Variants in SSBP2 observed in about 807,000 individuals in gnomAD.
SSBP2 encodes the protein single-stranded DNA-binding protein 2.
SSBP2 carries 17 observed loss-of-function variants against 61.8 expected under a neutral mutation model. The ratio of observed to expected loss-of-function variants is 0.28; its 90% CI spans 0.19 to 0.41. The LOEUF is 0.41. SSBP2 is among the 10% of genes least tolerant of loss of function. SSBP2 has a pLI of 1.00. For missense variants in SSBP2, 310 were observed against 458.7 expected, an observed-to-expected ratio of 0.68 and a Z score of 2.96; for synonymous variants, 139 against 141.3, an observed-to-expected ratio of 0.98 and a Z score of 0.12.
chr5:81,666,456 G>A (rs763829461), intron 1 of SSBP2, among the ~76,000 whole-genome samples: 3 of 152,124 alleles, frequency 2.0e-5, no homozygotes, highest in Admixed American at 6.6e-5. Flanking sequence ...GTAATACTGA[G>A]CATGTAGGTT....
chr5:81,585,111 A>T (rs537599898), intron 4 of SSBP2, among the ~76,000 whole-genome samples: 1 of 152,258 alleles, frequency 6.6e-6, no homozygotes, highest in South Asian at 2.1e-4. Flanking sequence ...TCTGAGTCTC[A>T]ACAATACTGG....
intron 1 of SSBP2, among the ~76,000 whole-genome samples, chr5:81,695,565 G>A (rs1753545255): frequency 7.2e-6 from 1 of 138,386 alleles, no homozygotes; most frequent in Non-Finnish European, 1.5e-5. Flanking sequence ...TGTTCTCATT[G>A]TTCAGTTCCC....
intron 1 of SSBP2, among the ~76,000 whole-genome samples, chr5:81,727,420 A>G (rs1303428404): frequency 6.6e-6 from 1 of 152,120 alleles, no homozygotes; most frequent in African/African-American, 2.4e-5. Context: ...GTGGTGGCAC[A>G]TGCCTGTAAT....
At chr5:81,721,358 A>C (rs1324763796) in intron 1 of SSBP2, among the ~76,000 whole-genome samples, 1 of 152,058 alleles carries the variant, frequency 6.6e-6, no homozygotes, top group Non-Finnish European at 1.5e-5. Context: ...CAAAAACAAA[A>C]ACAAACAAAA....
At chr5:81,658,307 T>C (rs1169489660) in intron 1 of SSBP2, among the ~76,000 whole-genome samples, 1 of 152,164 alleles carries the variant, frequency 6.6e-6, no homozygotes, top group Non-Finnish European at 1.5e-5. Context: ...CCTCCTTATC[T>C]GTGGGTTCCG....
At chr5:81,577,869 A>G (rs1304375970) in intron 4 of SSBP2, among the ~76,000 whole-genome samples, 2 of 152,096 alleles carry the variant, frequency 1.3e-5, no homozygotes, top group Non-Finnish European at 1.5e-5. Context: ...TAATAGCAAT[A>G]GTAGACATAG....
At chr5:81,674,754 T>C (rs1044305311) in intron 1 of SSBP2, among the ~76,000 whole-genome samples, 1 of 151,294 alleles carries the variant, frequency 6.6e-6, no homozygotes, top group Admixed American at 6.6e-5. Context: ...TACACTAATA[T>C]TGACAATTAC....
At chr5:81,568,463 C>G (rs144652552) in intron 4 of SSBP2, among the ~76,000 whole-genome samples, 1 of 152,302 alleles carries the variant, frequency 6.6e-6, no homozygotes, top group African/African-American at 2.4e-5. Flanking sequence ...TAACCTCTTT[C>G]TTTTGTAAAT....
At chr5:81,504,342 G>A (rs1314973452) in intron 5 of SSBP2, among the ~76,000 whole-genome samples, 1 of 152,132 alleles carries the variant, frequency 6.6e-6, no homozygotes, top group African/African-American at 2.4e-5. Flanking sequence ...CCACTCAGAG[G>A]AAAATCCAAA....
At chr5:81,569,998 A>G (rs1162392590) in intron 4 of SSBP2, among the ~76,000 whole-genome samples, 5 of 152,158 alleles carry the variant, frequency 3.3e-5, no homozygotes, top group Non-Finnish European at 7.4e-5. Context: ...AAACTTAAAA[A>G]TATTTAGAAC....
At chr5:81,749,276 TGCAAAAAA>T (rs1439788829) in intron 1 of SSBP2, among the ~76,000 whole-genome samples, 2 of 152,098 alleles carry the variant, frequency 1.3e-5, no homozygotes, top group African/African-American at 4.8e-5. Flanking sequence ...AAATATCTCT[TGCAAAAAA>T]ACAAAAAAGC....
At chr5:81,492,276 G>A (rs1766912305) in intron 5 of SSBP2, among the ~76,000 whole-genome samples, 1 of 152,152 alleles carries the variant, frequency 6.6e-6, no homozygotes, top group African/African-American at 2.4e-5. Context: ...GCCGAGGTGG[G>A]CAGACCACTT....
chr5:81,585,021 T>C (rs551586804), intron 4 of SSBP2, among the ~76,000 whole-genome samples: 1 of 152,226 alleles, frequency 6.6e-6, no homozygotes, highest in East Asian at 1.9e-4. Context: ...TCATATAAAC[T>C]ATTACATAAG....
intron 4 of SSBP2, among the ~76,000 whole-genome samples, chr5:81,552,830 G>A (rs1224885362): frequency 6.6e-6 from 1 of 152,060 alleles, no homozygotes; most frequent in Non-Finnish European, 1.5e-5. Context: ...TAAAGAGCAT[G>A]AAAATGCTAA....
chr5:81,581,667 G>A (rs1035469042), intron 4 of SSBP2, among the ~76,000 whole-genome samples: 3 of 152,160 alleles, frequency 2.0e-5, no homozygotes, highest in Admixed American at 6.5e-5. Context: ...GAGATAAAGT[G>A]TATTTTATAT....
intron 4 of SSBP2, among the ~76,000 whole-genome samples, chr5:81,598,949 C>G (rs1581134457): frequency 6.6e-6 from 1 of 152,320 alleles, no homozygotes; most frequent in Non-Finnish European, 1.5e-5. Flanking sequence ...TAATTCCTCT[C>G]CTGTGAAAAA....
chr5:81,527,288 T>C (rs1230653115), intron 4 of SSBP2, among the ~76,000 whole-genome samples: 3 of 152,052 alleles, frequency 2.0e-5, no homozygotes, highest in African/African-American at 7.2e-5. Context: ...AGATGCCTTC[T>C]GGAACAGCAC....
intron 3 of SSBP2, among the ~76,000 whole-genome samples, chr5:81,630,416 A>G (rs1206889961): frequency 6.6e-6 from 1 of 152,254 alleles, no homozygotes; most frequent in Admixed American, 6.5e-5. Context: ...CATAGCTCTC[A>G]TCAGTTCTCA....
chr5:81,686,864 AAAAAAAAAGAAAAGAAAAG>A (rs1312429118), intron 1 of SSBP2, among the ~76,000 whole-genome samples: 28 of 105,128 alleles, frequency 2.7e-4, no homozygotes, highest in Non-Finnish European at 4.7e-4. Context: ...CAAAAAAAAA[AAAAAAAAAGAAAAGAAAAG>A]AAAAGAAAAG....
Sources: allele counts gnomAD v4.1 joint callset (sites outside exome capture counted in the v4.1 genomes callset), GRCh38; gene constraint gnomAD v4.1.1; transcripts MANE v1.5; gene names NCBI Gene and HGNC (gene_info 2026-07-23, HGNC 2026-07-21).